Variants in LCA5 observed in about 807,000 individuals in gnomAD.
LCA5 encodes lebercilin LCA5, also known as lebercilin.
Under a neutral mutation model 53.0 loss-of-function variants are expected in LCA5, and 37 were observed. The ratio of observed to expected loss-of-function variants is 0.70; its 90% CI spans 0.54 to 0.92. The LOEUF (loss-of-function observed/expected upper bound fraction) is 0.92. Ranked by LOEUF, LCA5 falls within the 40% of genes least tolerant of loss-of-function variation. The pLI, the probability that LCA5 is intolerant of heterozygous loss-of-function variation, is 0.00. For synonymous variants in LCA5, 303 were observed against 282.9 expected, an observed-to-expected ratio of 1.07 and a Z score of -0.71; for missense variants, 806 against 790.5, an observed-to-expected ratio of 1.02 and a Z score of -0.23.
At chr6:79,501,756 C>T (rs1211216041) in intron 3 of LCA5, among the ~76,000 whole-genome samples, 1 of 150,582 alleles carries the variant, frequency 6.6e-6, no homozygotes, top group African/African-American at 2.4e-5. Flanking sequence ...AATTCTATAA[C>T]TGTATATACT....
chr6:79,507,980 G>A (rs917207400), intron 3 of LCA5, among the ~76,000 whole-genome samples: 2 of 152,158 alleles, frequency 1.3e-5, no homozygotes, highest in Admixed American at 6.5e-5. Flanking sequence ...TCCTGTGGAA[G>A]TTAATAGGTA....
chr6:79,533,292 C>G (rs1767008873), intron 1 of LCA5, among the ~76,000 whole-genome samples: 1 of 152,052 alleles, frequency 6.6e-6, no homozygotes, highest in African/African-American at 2.4e-5. Context: ...ATGTGTAGTT[C>G]TGCAACTAAT....
intron 1 of LCA5, among the ~76,000 whole-genome samples, chr6:79,536,404 GT>G (rs753501690): frequency 1.3e-5 from 2 of 152,140 alleles, no homozygotes. Context: ...AAATATGTAT[GT>G]GCCCAAGTAT....
At chr6:79,516,349 T>C (rs1344115833) in intron 2 of LCA5, among the ~76,000 whole-genome samples, 2 of 151,956 alleles carry the variant, frequency 1.3e-5, no homozygotes, top group Non-Finnish European at 2.9e-5. Context: ...AGAAACTTTA[T>C]ACATAAAAAT....
At chr6:79,494,749 TTAAC>T (rs1451450971) in intron 3 of LCA5, among the ~76,000 whole-genome samples, 3 of 152,186 alleles carry the variant, frequency 2.0e-5, no homozygotes, top group African/African-American at 2.4e-5. Context: ...TTATCAAAAT[TTAAC>T]TAAATTCTGC....
chr6:79,520,830 A>G (rs1417315465), intron 1 of LCA5, among the ~76,000 whole-genome samples: 1 of 152,224 alleles, frequency 6.6e-6, no homozygotes, highest in Non-Finnish European at 1.5e-5. Flanking sequence ...GAGAAAAGAA[A>G]GATGGAAAAA....
chr6:79,493,882 C>A, intron 3 of LCA5, 132 bp from the exon 4 acceptor site: 1 of 642,360 alleles, frequency 1.6e-6, no homozygotes, highest in South Asian at 2.2e-5. Flanking sequence ...GCATAGTATT[C>A]ATGTACATAA....
chr6:79,513,333 T>A lies in LCA5; in HGVS notation c.599A>T (p.Lys200Ile), dbSNP rs1343477048. Residue 200 changes from lysine (K) to isoleucine (I), a missense_variant, in exon 3 of 8, where the codon AAA becomes ATA. Lys to Ile is a moderately radical substitution (Grantham distance 102). Transcript: ENST00000369846. ...KDTESELFRTKFSLQKLKEIS... is the reference protein window; with the variant it reads ...KDTESELFRTIFSLQKLKEIS... ...CTCTTTCAGTTTCTGTAAGGAAAATTTTGTCCTAAATAGTTCACTTTCTGT... is the reference window on the plus strand; with the variant it reads ...CTCTTTCAGTTTCTGTAAGGAAAATATTGTCCTAAATAGTTCACTTTCTGT... 1 of 1,613,796 alleles carries A rather than the reference T, an allele frequency of 6.2e-7. No individual in the cohort carries two copies. Among genetic ancestry groups the A allele is most frequent in the Non-Finnish European group, 8.5e-7 (1 of 1,179,912 alleles).
upstream of LCA5, among the ~76,000 whole-genome samples, chr6:79,538,054 T>A (rs2803200): frequency 3.1e-5 from 4 of 129,610 alleles, no homozygotes; most frequent in Non-Finnish European, 4.8e-5. Flanking sequence ...TTTTTTTTTT[T>A]AAGGAACGTT....
chr6:79,488,181 A>G (rs1769727250), intron 7 of LCA5: 1 of 260,166 alleles, frequency 3.8e-6, no homozygotes, highest in Non-Finnish European at 7.2e-6. Context: ...GGATAGATGG[A>G]GCAAAGACTC....
At chr6:79,491,869 G>A in intron 5 of LCA5, 139 bp from the exon 6 acceptor site, 1 of 701,578 alleles carries the variant, frequency 1.4e-6, no homozygotes, top group South Asian at 1.7e-5. Context: ...CATTTAAATG[G>A]AGAATATATA....
intron 3 of LCA5, among the ~76,000 whole-genome samples, chr6:79,508,991 A>T (rs928485629): frequency 5.9e-5 from 9 of 152,338 alleles, no homozygotes; most frequent in African/African-American, 1.9e-4. Flanking sequence ...AAAGATGTAC[A>T]TAATGGGTTA....
chr6:79,525,742 G>A (rs943642335), intron 1 of LCA5, among the ~76,000 whole-genome samples: 1 of 152,172 alleles, frequency 6.6e-6, no homozygotes, highest in Non-Finnish European at 1.5e-5. Context: ...ACCCAGTAGG[G>A]CAAGGCCTCG....
chr6:79,489,430 A>G (rs1017555048), intron 6 of LCA5, among the ~76,000 whole-genome samples: 3 of 152,168 alleles, frequency 2.0e-5, no homozygotes, highest in African/African-American at 2.4e-5. Context: ...AGAAGCATTC[A>G]TAAGATGTAC....
intron 7 of LCA5, chr6:79,488,337 G>C (rs757185066): frequency 6.4e-6 from 1 of 156,874 alleles, no homozygotes; most frequent in Non-Finnish European, 1.4e-5. Context: ...TTTTAAAAAT[G>C]GGTCTATATT....
chr6:79,530,892 A>C (rs1019951623), intron 1 of LCA5, among the ~76,000 whole-genome samples: 1 of 152,186 alleles, frequency 6.6e-6, no homozygotes, highest in African/African-American at 2.4e-5. Context: ...CAAAAAAAAG[A>C]AACAAATAAC....
chr6:79,488,569 GT>G, intron 7 of LCA5: 1 of 160,464 alleles, frequency 6.2e-6, no homozygotes, highest in Non-Finnish European at 1.4e-5. Flanking sequence ...TAAATGTGTT[GT>G]GTCAAAGTTA....
Position 79,513,710 on chromosome 6 carries a change from T to C in LCA5, c.222A>G (p.Pro74=), listed in dbSNP as rs148386543. 1 of 1,613,720 alleles carries C rather than the reference T, an allele frequency of 6.2e-7. No homozygotes were observed. The highest frequency in any genetic ancestry group is 8.5e-7 in the Non-Finnish European group (1 of 1,179,724). ...ATCCCACTCGGACTCCCTTTCTGTT[T>C]GGTAGACCCTTAGGGCTTGGTTTCC... ...APRKPSPKGL[P]NRKGVRVGFR... Residue 74 remains proline, a synonymous_variant, in exon 3 of 8, where the codon CCA becomes CCG. Transcript: ENST00000369846.
intron 6 of LCA5, 105 bp from the exon 7 acceptor site, chr6:79,489,321 T>A: frequency 1.7e-6 from 2 of 1,167,350 alleles, no homozygotes; most frequent in Non-Finnish European, 2.5e-6. Context: ...AAGTTAAAAA[T>A]TAATACAAAT....
Sources: allele counts gnomAD v4.1 joint callset (sites outside exome capture counted in the v4.1 genomes callset), GRCh38; gene constraint gnomAD v4.1.1; transcripts MANE v1.5; gene names NCBI Gene and HGNC (gene_info 2026-07-23, HGNC 2026-07-21).